UTRN: variants seen among roughly 807,000 people sequenced by gnomAD.
The protein encoded by UTRN is dystrophin-related protein 1.
A neutral mutation model predicts 463.9 loss-of-function variants in UTRN; 283 were observed. The observed-to-expected ratio is 0.61, with a 90% CI of 0.55 to 0.67. UTRN has a LOEUF of 0.67. UTRN is among the 30% of genes least tolerant of loss of function. The pLI is 0.00. For synonymous variants in UTRN, 1,442 were observed against 1,431.5 expected, an observed-to-expected ratio of 1.01 and a Z score of -0.17; for missense variants, 3,922 against 4,084.3, an observed-to-expected ratio of 0.96 and a Z score of 1.08.
Position 144,840,726 on chromosome 6 carries a change from A to G in UTRN, c.10178-14A>G. 1 of 1,613,532 alleles carries G rather than the reference A, an allele frequency of 6.2e-7. No homozygotes were observed. The highest frequency in any genetic ancestry group is 8.5e-7 in the Non-Finnish European group (1 of 1,179,816). On this transcript the variant is annotated splice_polypyrimidine_tract_variant and intron_variant, in intron 72 of 74. Transcript: ENST00000367545. Reference sequence around the variant, plus strand: ...TTTGAGAAGCTTTGTTGTTCTCTTTATTTGCTGTCACAGCGGGAGAGGACC... The same window carrying G: ...TTTGAGAAGCTTTGTTGTTCTCTTTGTTTGCTGTCACAGCGGGAGAGGACC...
chr6:144,314,959 C>CTTATTTATTTAT (rs35669873), intron 2 of UTRN, among the ~76,000 whole-genome samples: 35 of 151,414 alleles, frequency 2.3e-4, no homozygotes, highest in African/African-American at 7.8e-4. Context: ...TATTTTTTTC[C>CTTATTTATTTAT]TTATTTATTT....
At chr6:144,344,305 G>T (rs1777392197) in intron 2 of UTRN, 1 of 1,303,944 alleles carries the variant, frequency 7.7e-7, no homozygotes, top group Non-Finnish European at 1.0e-6. Context: ...CGATTACCAG[G>T]TAAGTTTGTC....
At chr6:144,674,516 C>A (rs9399487) in intron 51 of UTRN, among the ~76,000 whole-genome samples, 24,080 of 151,470 alleles carry the variant, frequency 0.16, 2,156 homozygotes, top group Middle Eastern at 0.28. Flanking sequence ...TTTATGATAT[C>A]TATTTCTCTA....
At chr6:144,346,465 G>A (rs1256659152) in intron 2 of UTRN, among the ~76,000 whole-genome samples, 1 of 152,136 alleles carries the variant, frequency 6.6e-6, no homozygotes, top group African/African-American at 2.4e-5. Flanking sequence ...TTTTGTGTGT[G>A]TCCATAGTGT....
chr6:144,664,281 T>A (rs374691893), intron 51 of UTRN, among the ~76,000 whole-genome samples: 10 of 152,194 alleles, frequency 6.6e-5, no homozygotes, highest in East Asian at 3.8e-4. Context: ...TGCTTTGACA[T>A]GGGTCAGAAG....
rs546739951 is a variant in UTRN, at chr6:144,381,967, C to T, written c.80-21156C>T. Among the ~76,000 whole-genome samples, 456 of 152,344 alleles carry T rather than the reference C, an allele frequency of 3.0e-3. 1 individual carries two copies. Among genetic ancestry groups the T allele is most frequent in the African/African-American group, 1.0e-2 (414 of 41,582 alleles). On this transcript the variant is annotated intron_variant, in intron 2 of 74. Transcript: ENST00000367545. ...CAGTGTTTGAACTAATTTACACTCCCACCAACAGTGTGTAAGTGTTCCTTT... is the reference window on the plus strand; with the variant it reads ...CAGTGTTTGAACTAATTTACACTCCTACCAACAGTGTGTAAGTGTTCCTTT...
At chr6:144,502,425 A>G (rs986242206) in intron 34 of UTRN, among the ~76,000 whole-genome samples, 2 of 151,686 alleles carry the variant, frequency 1.3e-5, no homozygotes, top group Admixed American at 1.3e-4. Context: ...CCAGCCCCCA[A>G]CAGGACCCAG....
At chr6:144,485,590 T>A in intron 28 of UTRN, 71 bp downstream of exon 28, 1 of 1,586,270 alleles carries the variant, frequency 6.3e-7, no homozygotes, top group South Asian at 1.1e-5. Flanking sequence ...CAATGAGGAA[T>A]GTAATGCTTT....
chr6:144,608,899 A>G (rs915041381), intron 51 of UTRN, among the ~76,000 whole-genome samples: 4 of 152,226 alleles, frequency 2.6e-5, no homozygotes, highest in Non-Finnish European at 5.9e-5. Flanking sequence ...CAAAGTATAA[A>G]AAGAAAGGAT....
chr6:144,458,260 C>T (rs1789069826), intron 19 of UTRN, among the ~76,000 whole-genome samples: 1 of 152,164 alleles, frequency 6.6e-6, no homozygotes, highest in East Asian at 1.9e-4. Flanking sequence ...CCTGCACTCA[C>T]CAGGTTGCTT....
chr6:144,505,146 C>T (rs1794588349), intron 34 of UTRN, among the ~76,000 whole-genome samples: 1 of 151,928 alleles, frequency 6.6e-6, no homozygotes, highest in African/African-American at 2.4e-5. Context: ...TTTGATTCTT[C>T]TCTCTTTTCT....
Position 144,344,002 on chromosome 6 carries a change from T to C in UTRN, c.79+52095T>C, listed in dbSNP as rs80040410. ...AAAAACCTGCCTAAGGAGTTTTCAC[T>C]GACTACAAAGTGTAACTTCCTCTCT... On this transcript the variant is annotated intron_variant, in intron 2 of 74. Coordinates refer to ENST00000367545, the MANE Select transcript of UTRN (RefSeq NM_007124.3). 2,563 of 434,974 alleles carry C rather than the reference T, an allele frequency of 5.9e-3. 68 individuals are homozygous for C. Among genetic ancestry groups the C allele is most frequent in the African/African-American group, 0.053 (2,406 of 45,064 alleles). The allele number at this position is 434,974 out of a possible 1,614,324, so 26.9% of individuals were successfully genotyped here.
intron 2 of UTRN, among the ~76,000 whole-genome samples, chr6:144,299,378 A>G (rs1358637276): frequency 6.6e-6 from 1 of 152,218 alleles, no homozygotes; most frequent in African/African-American, 2.4e-5. Context: ...TATTATTTCT[A>G]CTTATAAACA....
In UTRN at chr6:144,457,892, C is replaced by G. The variant is rs190072585; in HGVS notation, c.2285-878C>G. On this transcript the variant is annotated intron_variant, in intron 19 of 74. Transcript: ENST00000367545. ...TTCCTACTCAATAAAAATGTGAAGC[C>G]ATCCTTTTGGTATGCATGTTTTCCT... Among the ~76,000 whole-genome samples, 269 of 152,162 alleles carry G rather than the reference C, an allele frequency of 1.8e-3. 2 individuals carry two copies. The highest frequency in any genetic ancestry group is 6.3e-3 in the African/African-American group (262 of 41,532).
chr6:144,655,562 C>T (rs1275325070), intron 51 of UTRN, among the ~76,000 whole-genome samples: 2 of 152,128 alleles, frequency 1.3e-5, no homozygotes, highest in Non-Finnish European at 2.9e-5. Flanking sequence ...CATGATGTAG[C>T]GATTTATGTG....
intron 2 of UTRN, among the ~76,000 whole-genome samples, chr6:144,371,326 A>G (rs1324429885): frequency 6.6e-6 from 1 of 152,104 alleles, no homozygotes; most frequent in Non-Finnish European, 1.5e-5. Flanking sequence ...GCTTTTTTAA[A>G]TCCCCCTATT....
At chr6:144,620,756 T>C (rs532624483) in intron 51 of UTRN, among the ~76,000 whole-genome samples, 10 of 152,256 alleles carry the variant, frequency 6.6e-5, no homozygotes, top group African/African-American at 2.4e-4. Context: ...TTGGTGATAT[T>C]ACTATGAGAA....
rs141790939 is a variant in UTRN, at chr6:144,680,423, G to A, written c.7652+1845G>A. ...TTAACATTATTTTTAGAAGATGGGA[G>A]AATATGCTTGTGGCAGTGGACTTTT... On this transcript the variant is annotated intron_variant, in intron 52 of 74. Coordinates refer to ENST00000367545, the MANE Select transcript of UTRN (RefSeq NM_007124.3). Among the ~76,000 whole-genome samples the A allele has an allele frequency of 3.4e-3, 512 of 152,230 alleles. 3 individuals are homozygous for A. The highest frequency in any genetic ancestry group is 0.012 in the African/African-American group (480 of 41,542).
At chr6:144,655,774 T>C (rs1779254998) in intron 51 of UTRN, among the ~76,000 whole-genome samples, 1 of 152,248 alleles carries the variant, frequency 6.6e-6, no homozygotes. Context: ...AGGAGTAAGA[T>C]GTAAAGTTCT....
Sources: allele counts gnomAD v4.1 joint callset (sites outside exome capture counted in the v4.1 genomes callset), GRCh38; gene constraint gnomAD v4.1.1; transcripts MANE v1.5; gene names NCBI Gene and HGNC (gene_info 2026-07-23, HGNC 2026-07-21).